Variants in ANO2 observed in about 807,000 individuals in gnomAD.
ANO2 encodes the protein anoctamin-2.
ANO2 carries 101 observed loss-of-function variants against 124.2 expected under a neutral mutation model. That is an observed-to-expected ratio of 0.81 (90% CI 0.69 to 0.96). The LOEUF (loss-of-function observed/expected upper bound fraction) is 0.96, where lower values mean the gene tolerates loss of function less well. Ranked by LOEUF, ANO2 falls within the 40% of genes least tolerant of loss-of-function variation. ANO2 has a pLI of 0.00. For synonymous variants in ANO2, 486 were observed against 482.5 expected (o/e 1.01, Z -0.09); for missense variants, 1,293 against 1,274.5 (o/e 1.01, Z -0.22).
At chr12:5,756,449 C>T (rs1951582593) in intron 10 of ANO2, among the ~76,000 whole-genome samples, 4 of 152,132 alleles carry the variant, frequency 2.6e-5, no homozygotes, top group African/African-American at 9.7e-5. Flanking sequence ...AGAGTGGTGT[C>T]TGTGTATTTG....
At chr12:5,572,080 C>T (rs1466690566) in intron 23 of ANO2, among the ~76,000 whole-genome samples, 1 of 152,170 alleles carries the variant, frequency 6.6e-6, no homozygotes, top group East Asian at 1.9e-4. Flanking sequence ...AGATGTAACA[C>T]CAATAAAAAG....
At chr12:5,598,081 C>T (rs2136879739) in intron 20 of ANO2, among the ~76,000 whole-genome samples, 1 of 152,294 alleles carries the variant, frequency 6.6e-6, no homozygotes, top group East Asian at 1.9e-4. Context: ...AGACCCTGCC[C>T]ATTACTCCAC....
chr12:5,920,055 G>GGATC, intron 3 of ANO2, among the ~76,000 whole-genome samples: 1 of 131,062 alleles, frequency 7.6e-6, no homozygotes, highest in African/African-American at 2.6e-5. Context: ...ATGGATGGAT[G>GGATC]GATGGATGGA....
At chr12:5,892,059 C>A (rs1939449636) in intron 3 of ANO2, among the ~76,000 whole-genome samples, 1 of 150,114 alleles carries the variant, frequency 6.7e-6, no homozygotes, top group Non-Finnish European at 1.5e-5. Context: ...TAGAAAGAGA[C>A]ATTTTCAGAA....
intron 3 of ANO2, among the ~76,000 whole-genome samples, chr12:5,876,778 C>T (rs1305366891): frequency 1.3e-5 from 2 of 152,012 alleles, no homozygotes; most frequent in African/African-American, 2.4e-5. Context: ...AGCTGAACAA[C>T]GAGAACACAT....
At chr12:5,720,929 T>G (rs1950208476) in intron 14 of ANO2, among the ~76,000 whole-genome samples, 1 of 152,226 alleles carries the variant, frequency 6.6e-6, no homozygotes, top group Non-Finnish European at 1.5e-5. Flanking sequence ...TCAGTTGAAG[T>G]GGACCAGGGC....
intron 1 of ANO2, among the ~76,000 whole-genome samples, chr12:5,923,200 G>GCA (rs71728352): frequency 1.4e-5 from 1 of 72,606 alleles, no homozygotes; most frequent in Admixed American, 1.3e-4. Flanking sequence ...ACACACGCAC[G>GCA]CACACACACC....
intron 14 of ANO2, among the ~76,000 whole-genome samples, chr12:5,709,838 G>T (rs17723765): frequency 0.07 from 10,631 of 152,276 alleles, 466 homozygotes; most frequent in Non-Finnish European, 0.079. Flanking sequence ...GAAGGTCTTG[G>T]GGTCATAGAT....
chr12:5,728,456 C>T (rs1052589475), intron 14 of ANO2, among the ~76,000 whole-genome samples: 3 of 151,852 alleles, frequency 2.0e-5, no homozygotes, highest in African/African-American at 7.3e-5. Flanking sequence ...ATGTACAAGA[C>T]TTGTACACTG....
chr12:5,806,497 T>C lies in ANO2; in HGVS notation c.949-404A>G, dbSNP rs577854470. On this transcript the variant is annotated intron_variant, in intron 8 of 24. Coordinates refer to ENST00000682330, the MANE Select transcript of ANO2 (RefSeq NM_001364791.2). ...GCAAATATGTCAGGAATTAGAAGAC[T>C]GCCATCCGAAAAATTCCTGCTGGCA... 3.3e-5 allele frequency among the ~76,000 whole-genome samples: 5 copies of C among 152,354 alleles called. No homozygotes were observed. In the South Asian group the frequency reaches 8.3e-4, roughly 25 times the overall value.
chr12:5,607,892 T>C (rs894774548), intron 19 of ANO2, among the ~76,000 whole-genome samples: 2 of 152,170 alleles, frequency 1.3e-5, no homozygotes, highest in African/African-American at 4.8e-5. Flanking sequence ...AGTTGTAAAA[T>C]TATTTCATTA....
Position 5,599,598 on chromosome 12 carries a change from C to T in ANO2, c.2119G>A (p.Asp707Asn). The stretch of plus-strand genomic sequence containing the variant: ...TCAGTTTCTCCAGCTTCGGTCTCAT[C>T]TTTCAGCTTTCGAAATAGTTTCTTT... ...KLKKLFRKLK[D>N]ETEAGETDSA... The change falls in exon 20 of 25, where the codon GAT becomes AAT. Residue 707 changes from aspartate (D) to asparagine (N), a missense_variant. Transcript: ENST00000682330. 6.2e-7 allele frequency: 1 copy of T among 1,613,712 alleles called. No individual in the cohort carries two copies. Among genetic ancestry groups the T allele is most frequent in the Admixed American group, 1.7e-5 (1 of 59,948 alleles).
rs371331580 is a variant in ANO2 at position 5,830,324 on chromosome 12, C to G, written c.840+111G>C. Reference sequence around the variant, plus strand: ...TACTCTTCTCTGTTGCTAGGCAACTCCAAGCAAATAACGGTGTGAGGTGGC... The same window carrying G: ...TACTCTTCTCTGTTGCTAGGCAACTGCAAGCAAATAACGGTGTGAGGTGGC... On this transcript the variant is annotated intron_variant, in intron 6 of 24. Coordinates refer to ENST00000682330, the MANE Select transcript of ANO2 (RefSeq NM_001364791.2). 7.5e-4 allele frequency: 865 copies of G among 1,152,828 alleles called. 6 individuals carry two copies. In the African/African-American group the frequency reaches 0.011, roughly 15 times the overall value. The allele number at this position is 1,152,828 out of a possible 1,614,324, so 71.4% of individuals were successfully genotyped here.
intron 1 of ANO2, among the ~76,000 whole-genome samples, chr12:5,923,692 C>T (rs7397714): frequency 1 from 151,588 of 152,292 alleles, 75,451 homozygotes; most frequent in Middle Eastern, 1. Context: ...GAAAAGTCCC[C>T]AGTAGGTGAT....
intron 1 of ANO2, among the ~76,000 whole-genome samples, chr12:5,923,415 C>T (rs993993377): frequency 6.6e-6 from 1 of 152,190 alleles, no homozygotes; most frequent in Non-Finnish European, 1.5e-5. Flanking sequence ...GGAGAGACAC[C>T]TTGAATTAAT....
chr12:5,835,188 G>A (rs1272819928), intron 4 of ANO2, among the ~76,000 whole-genome samples: 1 of 152,216 alleles, frequency 6.6e-6, no homozygotes, highest in Non-Finnish European at 1.5e-5. Flanking sequence ...AAAGTGGAAA[G>A]TTCAAGCTAT....
intron 1 of ANO2, among the ~76,000 whole-genome samples, chr12:5,923,180 A>C (rs902496861): frequency 6.4e-5 from 3 of 46,702 alleles, no homozygotes; most frequent in African/African-American, 9.4e-5. Context: ...ACACGCACAC[A>C]CACATACACA....
chr12:5,662,726 C>G (rs1328767565), intron 14 of ANO2, among the ~76,000 whole-genome samples: 5 of 152,186 alleles, frequency 3.3e-5, no homozygotes, highest in African/African-American at 9.7e-5. Context: ...TATTTGATAA[C>G]ACTGAACTCC....
Position 5,578,492 on chromosome 12 carries a change from A to G in ANO2, c.2260T>C (p.Phe754Leu). Residue 754 changes from phenylalanine (F) to leucine (L), a missense_variant, in exon 21 of 25, where the codon TTC (phenylalanine) becomes CTC (leucine). Physicochemically the swap from Phe to Leu is conservative, Grantham distance 22 (BLOSUM62 0). Transcript: ENST00000682330. ...GGTGCCAGGGGAAAGGAGGCCACGAAGAGGGTGACAAAACCAAACTGGATG... is the reference window on the plus strand; with the variant it reads ...GGTGCCAGGGGAAAGGAGGCCACGAGGAGGGTGACAAAACCAAACTGGATG... ...MIIQFGFVTL[F>L]VASFPLAPVF... 3 of 1,613,812 alleles carry G rather than the reference A, an allele frequency of 1.9e-6. No homozygotes were observed. The highest frequency in any genetic ancestry group is 2.5e-6 in the Non-Finnish European group (3 of 1,179,816).
Sources: gnomAD v4.1 joint callset for allele counts (sites outside exome capture counted in the v4.1 genomes callset) on GRCh38, gnomAD v4.1.1 for gene constraint, MANE v1.5 for transcripts, NCBI Gene and HGNC (gene_info 2026-07-23, HGNC 2026-07-21) for gene names.